The following TFDP1 variants were observed in gnomAD, a reference collection of about 807,000 sequenced individuals.
The protein encoded by TFDP1 is DRTF1-polypeptide 1.
In TFDP1, 6 loss-of-function variants were observed where a neutral mutation model predicts 48.0. The observed-to-expected ratio is 0.13, with a 90% CI of 0.07 to 0.25. TFDP1 has a LOEUF of 0.25. Among genes scored for constraint, TFDP1 ranks in the 10% least tolerant of loss-of-function variants. TFDP1 has a pLI of 1.00. For synonymous variants in TFDP1, 201 were observed against 211.6 expected (o/e 0.95, Z 0.44); for missense variants, 335 against 543.0 (o/e 0.62, Z 3.81).
intron 8 of TFDP1, 74 bp from the exon 9 acceptor site, chr13:113,635,903 G>A: frequency 6.6e-7 from 1 of 1,523,416 alleles, no homozygotes; most frequent in Non-Finnish European, 8.9e-7. Context: ...AGGGAGGGCT[G>A]TGAGGACCCC....
intron 10 of TFDP1, chr13:113,637,529 A>G: frequency 7.8e-7 from 1 of 1,284,888 alleles, no homozygotes; most frequent in Non-Finnish European, 1.0e-6. Context: ...CCGTTTCACG[A>G]TGGGTATGAT....
chr13:113,625,483 G>C (rs2049129420), intron 4 of TFDP1, among the ~76,000 whole-genome samples: 1 of 97,924 alleles, frequency 1.0e-5, no homozygotes, highest in African/African-American at 6.0e-5. Context: ...TGTTTCTCAG[G>C]TGTCTCTCAC....
chr13:113,599,655 G>A (rs111853232), intron 2 of TFDP1, among the ~76,000 whole-genome samples: 42 of 152,328 alleles, frequency 2.8e-4, no homozygotes, highest in African/African-American at 8.9e-4. Context: ...CAGTCCCCAC[G>A]GCGAGCCTGC....
chr13:113,637,810 C>G lies in TFDP1; in HGVS notation c.1007-8C>G. ...ATGACCATTCGCTTATTTTCTTTCC[C>G]TTTTCAGAAATGGCTCAGGGAACTG... On this transcript the variant is annotated splice_region_variant and splice_polypyrimidine_tract_variant and intron_variant, in intron 10 of 11. Transcript: ENST00000375370. 6.2e-7 allele frequency: 1 copy of G among 1,614,234 alleles called. No homozygotes were observed. Among genetic ancestry groups the G allele is most frequent in the Non-Finnish European group, 8.5e-7 (1 of 1,180,052 alleles).
At chr13:113,588,704 AGTG>A (rs72324177) in intron 2 of TFDP1, among the ~76,000 whole-genome samples, 10,907 of 151,970 alleles carry the variant, frequency 0.072, 462 homozygotes, top group African/African-American at 0.089. Context: ...TTAGAGAGTG[AGTG>A]GTGGTGGACT....
intron 4 of TFDP1, among the ~76,000 whole-genome samples, chr13:113,630,441 C>A (rs2049305360): frequency 6.6e-6 from 1 of 152,084 alleles, no homozygotes. Context: ...GTCAGCTGCT[C>A]CCAGGGCCAC....
rs545412691 is a variant in TFDP1 at position 113,607,528 on chromosome 13, C to T, written c.13-3468C>T. 3.9e-5 allele frequency among the ~76,000 whole-genome samples: 6 copies of T among 152,360 alleles called. No individual in the cohort carries two copies. Among genetic ancestry groups the T allele is most frequent in the Middle Eastern group, 3.4e-3 (1 of 294 alleles). ...AGCAGTGCGACACTGGCCCACGTGT[C>T]GTCCTTGTTCTCTCCTCATTGCTGC... On this transcript the variant is annotated intron_variant, in intron 2 of 11. Coordinates refer to ENST00000375370, the MANE Select transcript of TFDP1 (RefSeq NM_007111.5). The surrounding 1 kb of genome is among the most constrained non-coding windows in gnomAD (Gnocchi z 5.2).
rs2049391291 is a variant in TFDP1, at chr13:113,633,450, G to A, written c.474+165G>A. Reference sequence around the variant, plus strand: ...CAGTAAGTGTGTGCCGGGGCCGAGAGGCTGGGGTGGCGGAGCCCAGCGGTG... The same window carrying A: ...CAGTAAGTGTGTGCCGGGGCCGAGAAGCTGGGGTGGCGGAGCCCAGCGGTG... On this transcript the variant is annotated intron_variant, in intron 6 of 11. Transcript: ENST00000375370. This position sits in a 1 kb window ranked among gnomAD's most constrained non-coding sequence, Gnocchi z 4.5. 6.6e-6 allele frequency among the ~76,000 whole-genome samples: 1 copy of A among 151,514 alleles called. No individual in the cohort carries two copies. Among genetic ancestry groups the A allele is most frequent in the Non-Finnish European group, 1.5e-5 (1 of 67,982 alleles).
chr13:113,617,789 G>T (rs1224053078), intron 3 of TFDP1, among the ~76,000 whole-genome samples: 1 of 152,206 alleles, frequency 6.6e-6, no homozygotes. Flanking sequence ...CTCTGACAAC[G>T]TAAAGATGTT....
chr13:113,613,738 GTC>G lies in TFDP1; in HGVS notation c.79+2678_79+2679del, dbSNP rs1384412972. On this transcript the variant is annotated intron_variant, in intron 3 of 11. Coordinates refer to ENST00000375370, the MANE Select transcript of TFDP1 (RefSeq NM_007111.5). ...ATGTGAGGAGTGTGTGCATGAGTGT[GTC>G]TGTGTGTATGCGTGAATGCGTGGGT... is the stretch of plus-strand genomic sequence containing the variant. Among the ~76,000 whole-genome samples, 264 of 115,638 alleles carry G rather than the reference GTC, an allele frequency of 2.3e-3. 1 individual carries two copies. The highest frequency in any genetic ancestry group is 0.011 in the African/African-American group (248 of 23,008). The allele number at this position is 115,638 out of a possible 152,430, so 75.9% of individuals were successfully genotyped here.
At chr13:113,586,954 A>G (rs1182235569) in intron 2 of TFDP1, among the ~76,000 whole-genome samples, 1 of 152,196 alleles carries the variant, frequency 6.6e-6, no homozygotes, top group Non-Finnish European at 1.5e-5. Context: ...TCAGAATGCC[A>G]GATGTGGGCA....
At position 113,607,546 on chromosome 13, in the gene TFDP1, A is replaced by G. The variant is rs1038687955; in HGVS notation, c.13-3450A>G. ...CACGTGTCGTCCTTGTTCTCTCCTC[A>G]TTGCTGCCGTCACTGTGTGCTGCGC... On this transcript the variant is annotated intron_variant, in intron 2 of 11. Transcript: ENST00000375370. This position sits in a 1 kb window ranked among gnomAD's most constrained non-coding sequence, Gnocchi z 5.2. 6.6e-6 allele frequency among the ~76,000 whole-genome samples: 1 copy of G among 152,090 alleles called. No individual in the cohort carries two copies. Among genetic ancestry groups the G allele is most frequent in the Non-Finnish European group, 1.5e-5 (1 of 68,016 alleles).
At chr13:113,610,236 C>A (rs1422288603) in intron 2 of TFDP1, among the ~76,000 whole-genome samples, 2 of 151,402 alleles carry the variant, frequency 1.3e-5, no homozygotes, top group African/African-American at 4.9e-5. Flanking sequence ...GCTGTAGCAT[C>A]ACTCATGTGC....
intron 2 of TFDP1, among the ~76,000 whole-genome samples, chr13:113,604,802 G>A (rs755157140): frequency 2.0e-5 from 3 of 152,202 alleles, no homozygotes; most frequent in Admixed American, 6.5e-5. Flanking sequence ...GGTTCTGAAC[G>A]TTCTGACGTT....
intron 2 of TFDP1, among the ~76,000 whole-genome samples, chr13:113,594,832 C>T (rs2048247861): frequency 6.6e-6 from 1 of 152,230 alleles, no homozygotes; most frequent in Non-Finnish European, 1.5e-5. Flanking sequence ...AATATTTCTT[C>T]TGATTATAAG....
chr13:113,616,135 G>A (rs748872486), intron 3 of TFDP1, among the ~76,000 whole-genome samples: 13 of 151,728 alleles, frequency 8.6e-5, no homozygotes, highest in Non-Finnish European at 1.8e-4. Flanking sequence ...CCCTGTAGGC[G>A]GAGGTTGCAG....
rs2047950535 is a variant in TFDP1 at position 113,584,766 on chromosome 13, C to T, written c.-187C>T. The T allele has an allele frequency of 1.4e-5, 2 of 146,530 alleles. No homozygotes were observed. The highest frequency in any genetic ancestry group is 4.9e-5 in the African/African-American group (2 of 40,840). The allele number at this position is 146,530 out of a possible 1,614,324, so 9.1% of individuals were successfully genotyped here. A position where few individuals can be genotyped will look rare whatever the true frequency, so the allele number is the denominator to read the frequency against. On this transcript the variant is annotated 5_prime_UTR_variant, in exon 1 of 12. Transcript: ENST00000375370. ...CGTCCCGGCGCCACTCGGCCCAGGG[C>T]AGGGACCCCGCCACGGCCGGGACCG...
In TFDP1 at chr13:113,607,862, C is replaced by G. The variant is rs940987961; in HGVS notation, c.13-3134C>G. On this transcript the variant is annotated intron_variant, in intron 2 of 11. Transcript: ENST00000375370. This position sits in a 1 kb window ranked among gnomAD's most constrained non-coding sequence, Gnocchi z 5.2. ...CAGCCGGAGCTGACCACCAAGTCGA[C>G]GGGGCAGAGTGAGAAACATCCAGGC... Among the ~76,000 whole-genome samples, 1 of 152,196 alleles carries G rather than the reference C, an allele frequency of 6.6e-6. No individual in the cohort carries two copies. Among genetic ancestry groups the G allele is most frequent in the Admixed American group, 6.5e-5 (1 of 15,290 alleles).
rs765637281 is a variant in TFDP1 at position 113,634,078 on chromosome 13, G to A, written c.618+45G>A. On this transcript the variant is annotated intron_variant, in intron 7 of 11. Transcript: ENST00000375370. ...TCAACCTTGATTTCCCTTCAAGTCC[G>A]TGTAGATGTTTTAGTCGTCGGTCAC... The A allele has an allele frequency of 7.4e-6, 12 of 1,613,612 alleles. No homozygotes were observed. The East Asian group carries it at 8.9e-5, about 12-fold the overall frequency.
Sources: gnomAD v4.1 joint callset for allele counts (sites outside exome capture counted in the v4.1 genomes callset) on GRCh38, gnomAD v4.1.1 for gene constraint, Gnocchi (gnomAD v3.1) non-coding constraint, MANE v1.5 for transcripts, NCBI Gene and HGNC (gene_info 2026-07-23, HGNC 2026-07-21) for gene names.